The following TTLL11 variants were observed in gnomAD, a reference collection of about 807,000 sequenced individuals.
TTLL11 encodes tubulin polyglutamylase TTLL11.
TTLL11 carries 42 observed loss-of-function variants against 51.7 expected under a neutral mutation model. That is an observed-to-expected ratio of 0.81 (90% CI 0.64 to 1.05). The LOEUF is 1.05. TTLL11 is among the 50% of genes least tolerant of loss of function. The pLI, the probability that TTLL11 is intolerant of heterozygous loss-of-function variation, is 0.00. For missense variants in TTLL11, 799 were observed against 940.4 expected, an observed-to-expected ratio of 0.85 and a Z score of 1.97; for synonymous variants, 381 against 383.5, an observed-to-expected ratio of 0.99 and a Z score of 0.08.
intron 7 of TTLL11, 135 bp downstream of exon 7, chr9:121,870,361 TA>T: frequency 8.6e-7 from 1 of 1,157,646 alleles, no homozygotes; most frequent in Non-Finnish European, 1.2e-6. Context: ...GCCACTAGGC[TA>T]ATCCAAGCTC....
intron 1 of TTLL11, among the ~76,000 whole-genome samples, chr9:122,062,414 C>T (rs186576065): frequency 6.4e-4 from 96 of 150,354 alleles, no homozygotes; most frequent in Non-Finnish European, 7.2e-4. Context: ...GAGCTCCAAA[C>T]CAAATCTGTA....
intron 8 of TTLL11, among the ~76,000 whole-genome samples, chr9:121,838,579 C>T (rs1241667009): frequency 1.3e-5 from 2 of 151,730 alleles, no homozygotes; most frequent in African/African-American, 4.8e-5. Context: ...ATTAGCAGGG[C>T]GTTGTGGCAT....
At chr9:122,073,076 T>C (rs1035660764) in intron 1 of TTLL11, among the ~76,000 whole-genome samples, 4 of 152,286 alleles carry the variant, frequency 2.6e-5, no homozygotes, top group Non-Finnish European at 5.9e-5. Flanking sequence ...ATAACAATAA[T>C]GAACAAGACA....
chr9:121,975,371 T>C (rs1327739029), intron 4 of TTLL11, among the ~76,000 whole-genome samples: 1 of 152,118 alleles, frequency 6.6e-6, no homozygotes, highest in African/African-American at 2.4e-5. Context: ...AAGGCTGCTT[T>C]TGCAAACCTG....
chr9:122,060,699 G>A (rs1467191857), intron 1 of TTLL11, among the ~76,000 whole-genome samples: 4 of 152,158 alleles, frequency 2.6e-5, no homozygotes, highest in African/African-American at 9.7e-5. Flanking sequence ...CTCTTTCTGG[G>A]TATCCTCATC....
intron 6 of TTLL11, among the ~76,000 whole-genome samples, chr9:121,913,028 G>A (rs914603552): frequency 3.3e-5 from 5 of 152,136 alleles, no homozygotes; most frequent in Admixed American, 6.5e-5. Flanking sequence ...TGCAAAGTTT[G>A]GTAAAGACTG....
chr9:121,836,730 C>A (rs953291373), intron 8 of TTLL11, among the ~76,000 whole-genome samples: 4 of 152,124 alleles, frequency 2.6e-5, no homozygotes, highest in African/African-American at 9.7e-5. Context: ...GATGACCCAA[C>A]GTGAGATGGG....
At chr9:121,885,635 A>G (rs953284573) in intron 6 of TTLL11, 1 of 152,248 alleles carries the variant, frequency 6.6e-6, no homozygotes, top group African/African-American at 2.4e-5. Flanking sequence ...GAAGTGGCAA[A>G]GCCGGCTTAT....
chr9:121,934,733 G>A (rs905965036), intron 6 of TTLL11, among the ~76,000 whole-genome samples: 7 of 152,066 alleles, frequency 4.6e-5, no homozygotes, highest in African/African-American at 1.2e-4. Flanking sequence ...ACTGCGCTTC[G>A]GTGGGCAGCA....
At chr9:122,014,864 A>ATGAG (rs1843918158) in intron 3 of TTLL11, among the ~76,000 whole-genome samples, 1 of 152,184 alleles carries the variant, frequency 6.6e-6, no homozygotes, top group African/African-American at 2.4e-5. Flanking sequence ...GAATGAATGA[A>ATGAG]TGGTCACCTT....
intron 1 of TTLL11, among the ~76,000 whole-genome samples, chr9:122,068,084 T>C (rs1845635044): frequency 6.6e-6 from 1 of 152,192 alleles, no homozygotes; most frequent in Non-Finnish European, 1.5e-5. Context: ...GGTGTGTCAA[T>C]AGGGCATTAA....
At chr9:121,980,281 G>A (rs1264792761) in intron 4 of TTLL11, among the ~76,000 whole-genome samples, 1 of 151,998 alleles carries the variant, frequency 6.6e-6, no homozygotes, top group African/African-American at 2.4e-5. Flanking sequence ...ACAAACACTG[G>A]ACAGGTATAC....
intron 1 of TTLL11, among the ~76,000 whole-genome samples, chr9:122,079,567 G>A (rs1031029028): frequency 1.3e-5 from 2 of 152,060 alleles, no homozygotes; most frequent in Admixed American, 6.5e-5. Context: ...AAATTAGCTG[G>A]GCGTGGTGGC....
intron 1 of TTLL11, among the ~76,000 whole-genome samples, chr9:122,076,648 T>C (rs1266622360): frequency 6.6e-6 from 1 of 151,694 alleles, no homozygotes; most frequent in East Asian, 1.9e-4. Flanking sequence ...AAAAGGAAGA[T>C]TCTAACTTGA....
chr9:121,989,207 G>C lies in TTLL11; in HGVS notation c.1257C>G (p.Pro419=). The C allele has an allele frequency of 6.2e-7, 1 of 1,613,812 alleles. No homozygotes were observed. Among genetic ancestry groups the C allele is most frequent in the Non-Finnish European group, 8.5e-7 (1 of 1,179,738 alleles). Residue 419 remains proline, a synonymous_variant, in exon 4 of 9, where the codon CCC becomes CCG. Coordinates refer to ENST00000321582, the MANE Select transcript of TTLL11 (RefSeq NM_001139442.2). The surrounding 1 kb of genome is among the most constrained non-coding windows in gnomAD (Gnocchi z 4.2). ...QSDIPTGRPG[P]TCFQILGFDI... The stretch of plus-strand genomic sequence containing the variant: ...TGGCAATGGTTACCTGGAAGCACGT[G>C]GGGCCCGGCCTCCCCGTGGGGATGT...
chr9:122,060,065 T>C (rs1007736413), intron 1 of TTLL11, among the ~76,000 whole-genome samples: 3 of 152,200 alleles, frequency 2.0e-5, no homozygotes, highest in Non-Finnish European at 4.4e-5. Flanking sequence ...AAACTCTTCC[T>C]TGAAAGGGCT....
intron 1 of TTLL11, among the ~76,000 whole-genome samples, chr9:122,048,417 T>C (rs939267731): frequency 4.6e-5 from 7 of 152,196 alleles, no homozygotes; most frequent in Non-Finnish European, 8.8e-5. Context: ...TTTTACCATC[T>C]TGGCTTTCCA....
Position 121,818,727 on chromosome 9 carries a change from G to A in TTLL11, c.*3860C>T, listed in dbSNP as rs1384049621. ...CAGGCAGAGGGGCCAGCAAGACAAGGGTGGTGGGAAATAGCACATCCTCCT... is the reference window on the plus strand; with the variant it reads ...CAGGCAGAGGGGCCAGCAAGACAAGAGTGGTGGGAAATAGCACATCCTCCT... On this transcript the variant is annotated 3_prime_UTR_variant, in exon 9 of 9. Coordinates refer to ENST00000321582, the MANE Select transcript of TTLL11 (RefSeq NM_001139442.2). 6.6e-6 allele frequency: 1 copy of A among 152,446 alleles called. No individual in the cohort carries two copies. Among genetic ancestry groups the A allele is most frequent in the Non-Finnish European group, 1.5e-5 (1 of 68,216 alleles). 9.4% of individuals were successfully genotyped at this position (152,446 alleles called of 1,614,324 possible). A position where few individuals can be genotyped will look rare whatever the true frequency, so the allele number is the denominator to read the frequency against.
At chr9:122,082,666 A>G (rs1846029059) in intron 1 of TTLL11, among the ~76,000 whole-genome samples, 1 of 152,200 alleles carries the variant, frequency 6.6e-6, no homozygotes, top group Non-Finnish European at 1.5e-5. Context: ...TAACAGAGAA[A>G]GATGTATATG....
Sources: gnomAD v4.1 joint callset for allele counts (sites outside exome capture counted in the v4.1 genomes callset) on GRCh38, gnomAD v4.1.1 for gene constraint, Gnocchi (gnomAD v3.1) non-coding constraint, MANE v1.5 for transcripts, NCBI Gene and HGNC (gene_info 2026-07-23, HGNC 2026-07-21) for gene names.